Variants in ZNF609 observed in about 807,000 individuals in gnomAD.
ZNF609 encodes the protein zinc finger protein 609.
A neutral mutation model predicts 109.5 loss-of-function variants in ZNF609; 11 were observed. That is an observed-to-expected ratio of 0.10 (90% CI 0.06 to 0.17). The LOEUF (loss-of-function observed/expected upper bound fraction) is 0.17. Among genes scored for constraint, ZNF609 ranks in the 10% least tolerant of loss-of-function variants. ZNF609 has a pLI of 1.00. For synonymous variants in ZNF609, 646 were observed against 662.0 expected, an observed-to-expected ratio of 0.98 and a Z score of 0.37; for missense variants, 1,559 against 1,772.4, an observed-to-expected ratio of 0.88 and a Z score of 2.16.
chr15:64,547,889 G>A (rs959434298), intron 2 of ZNF609, among the ~76,000 whole-genome samples: 3 of 152,100 alleles, frequency 2.0e-5, no homozygotes, highest in African/African-American at 4.8e-5. Context: ...GCAGGAGGAC[G>A]GGGGTGTAGA....
rs1318110390 is a variant in ZNF609 at position 64,685,350 on chromosome 15, AGCTCTCCTGATCTTCCTGGCCCT to A, written c.*3669_*3691del. ...CCTCCCAATTTTCCTGTTCTCCCTC[AGCTCTCCTGATCTTCCTGGCCCT>A]GCTCCATATGCATCCTCAGCTTCAC... On this transcript the variant is annotated 3_prime_UTR_variant, in exon 10 of 10. Coordinates refer to ENST00000326648, the MANE Select transcript of ZNF609 (RefSeq NM_015042.2). 3 of 152,436 alleles carry A rather than the reference AGCTCTCCTGATCTTCCTGGCCCT, an allele frequency of 2.0e-5. No individual in the cohort carries two copies. The highest frequency in any genetic ancestry group is 7.3e-5 in the African/African-American group (3 of 41,332). The allele number at this position is 152,436 out of a possible 1,614,324, so 9.4% of individuals were successfully genotyped here. A position where few individuals can be genotyped will look rare whatever the true frequency, so the allele number is the denominator to read the frequency against.
In ZNF609 at chr15:64,470,848, T is replaced by C. The variant is rs546088657; in HGVS notation, c.-128+10010T>C. Among the ~76,000 whole-genome samples the C allele has an allele frequency of 3.3e-5, 5 of 152,122 alleles. No homozygotes were observed. The East Asian group carries it at 7.8e-4, about 24-fold the overall frequency. On this transcript the variant is annotated intron_variant, in intron 1 of 9. Transcript: ENST00000326648. ...TTCAAGCAGTTTTAAGGAAATAAAATTACACAGCCAAGTTGTTAATTCCCC... is the reference window on the plus strand; with the variant it reads ...TTCAAGCAGTTTTAAGGAAATAAAACTACACAGCCAAGTTGTTAATTCCCC...
chr15:64,464,132 A>C (rs1193235685), intron 1 of ZNF609, among the ~76,000 whole-genome samples: 4 of 152,172 alleles, frequency 2.6e-5, no homozygotes, highest in African/African-American at 9.7e-5. Flanking sequence ...GAGGATATGG[A>C]GGCATAATTT....
intron 2 of ZNF609, among the ~76,000 whole-genome samples, chr15:64,591,482 G>A (rs1895296341): frequency 6.6e-6 from 1 of 151,948 alleles, no homozygotes; most frequent in Non-Finnish European, 1.5e-5. Flanking sequence ...GCGAGACCCT[G>A]TCTCTATAAA....
intron 2 of ZNF609, among the ~76,000 whole-genome samples, chr15:64,513,199 A>T (rs1441088077): frequency 6.6e-6 from 1 of 152,104 alleles, no homozygotes; most frequent in African/African-American, 2.4e-5. Context: ...GAGGAGAAAA[A>T]ATTGGCAAAT....
At chr15:64,633,096 ATTGTT>A (rs1244767036) in intron 3 of ZNF609, among the ~76,000 whole-genome samples, 2 of 149,146 alleles carry the variant, frequency 1.3e-5, no homozygotes, top group African/African-American at 2.5e-5. Flanking sequence ...TAAATAAAGT[ATTGTT>A]TTGTTTTTTT....
In ZNF609 at chr15:64,500,134, T is replaced by C. The variant is rs367960309; in HGVS notation, c.715T>C (p.Cys239Arg). 13 of 1,613,430 alleles carry C rather than the reference T, an allele frequency of 8.1e-6. No individual in the cohort carries two copies. In the African/African-American group the frequency reaches 1.7e-4, roughly 22 times the overall value. The change falls in exon 2 of 10, where the codon TGT (cysteine) becomes CGT (arginine). Residue 239 changes from cysteine to arginine, a missense_variant. Cys to Arg is a radical substitution (Grantham distance 180). Transcript: ENST00000326648. ...KPEPEEGENE[C>R]RLLKKVKSEK... is the part of the protein sequence containing the mutation. ...GGAGCCAGAGGAAGGGGAGAATGAG[T>C]GTCGCCTGCTAAAGAAAGTCAAGTC...
intron 1 of ZNF609, among the ~76,000 whole-genome samples, chr15:64,466,363 A>G (rs899593175): frequency 6.6e-6 from 1 of 152,202 alleles, no homozygotes; most frequent in Non-Finnish European, 1.5e-5. Flanking sequence ...TTTCTATATT[A>G]GGCCAACAGG....
At chr15:64,649,218 T>G (rs1049581534) in intron 3 of ZNF609, among the ~76,000 whole-genome samples, 5 of 152,198 alleles carry the variant, frequency 3.3e-5, no homozygotes, top group African/African-American at 9.7e-5. Context: ...GTCATATTGG[T>G]GGTTTTTTAA....
chr15:64,529,723 G>C (rs114454635), intron 2 of ZNF609: 7 of 640,288 alleles, frequency 1.1e-5, no homozygotes, highest in African/African-American at 1.8e-5. Flanking sequence ...GCTGTCTGTC[G>C]AACAGGAGGA....
At chr15:64,565,232 G>GTATTATTATTATTAT (rs60734525) in intron 2 of ZNF609, among the ~76,000 whole-genome samples, 91,312 of 138,508 alleles carry the variant, frequency 0.66, 31,629 homozygotes, top group East Asian at 0.92. Flanking sequence ...GCTAATTTTT[G>GTATTATTATTATTAT]TATTATTATT....
Position 64,577,230 on chromosome 15 carries a change from A to AATAC in ZNF609, c.748-45589_748-45586dup, listed in dbSNP as rs201054451. Among the ~76,000 whole-genome samples, 4 of 14,674 alleles carry AATAC rather than the reference A, an allele frequency of 2.7e-4. 1 individual carries two copies. The highest frequency in any genetic ancestry group is 3.2e-4 in the African/African-American group (4 of 12,308). 9.6% of individuals were successfully genotyped at this position (14,674 alleles called of 152,430 possible). A position where few individuals can be genotyped will look rare whatever the true frequency, so the allele number is the denominator to read the frequency against. ...ATATATATGTATATATATACACACA[A>AATAC]ATACATACATATATATGTATATATA... On this transcript the variant is annotated intron_variant, in intron 2 of 9. Transcript: ENST00000326648.
chr15:64,515,471 G>A (rs1289040414), intron 2 of ZNF609, among the ~76,000 whole-genome samples: 3 of 152,164 alleles, frequency 2.0e-5, no homozygotes, highest in Admixed American at 2.0e-4. Context: ...TTTGGCCAGG[G>A]CAAAGCTCCC....
chr15:64,659,813 C>T (rs990738117), intron 3 of ZNF609, among the ~76,000 whole-genome samples: 21 of 151,024 alleles, frequency 1.4e-4, no homozygotes, highest in African/African-American at 3.7e-4. Context: ...TTTTTTGGAA[C>T]GCAAAATATT....
rs1002043999 is a variant in ZNF609, at chr15:64,682,947, C to T, written c.*1261C>T. 6.6e-6 allele frequency: 1 copy of T among 152,640 alleles called. No homozygotes were observed. Among genetic ancestry groups the T allele is most frequent in the Non-Finnish European group, 1.5e-5 (1 of 68,044 alleles). The allele number at this position is 152,640 out of a possible 1,614,324, so 9.5% of individuals were successfully genotyped here. The stretch of plus-strand genomic sequence containing the variant: ...TTGTTCCTTAGACCCTGGAATAACA[C>T]ATCCAAGCCATTACTTATTAGAGTC... On this transcript the variant is annotated 3_prime_UTR_variant, in exon 10 of 10. Coordinates refer to ENST00000326648, the MANE Select transcript of ZNF609 (RefSeq NM_015042.2).
intron 2 of ZNF609, among the ~76,000 whole-genome samples, chr15:64,576,949 C>CATATCTGTATATATACACATAAATAT (rs1894968608): frequency 1.9e-5 from 1 of 52,190 alleles, no homozygotes; most frequent in South Asian, 4.7e-4. Flanking sequence ...TAAATATATA[C>CATATCTGTATATATACACATAAATAT]ATATATGTAT....
chr15:64,557,851 C>T (rs905525613), intron 2 of ZNF609, among the ~76,000 whole-genome samples: 3 of 152,076 alleles, frequency 2.0e-5, no homozygotes, highest in African/African-American at 4.8e-5. Flanking sequence ...CGCCCACCAC[C>T]GCACCTGGCT....
At chr15:64,526,749 T>C (rs545353814) in intron 2 of ZNF609, among the ~76,000 whole-genome samples, 52 of 152,296 alleles carry the variant, frequency 3.4e-4, no homozygotes, top group African/African-American at 1.3e-3. Context: ...GCAATCCTCC[T>C]GCCTCAGCCT....
At chr15:64,475,547 C>T (rs1339593996) in intron 1 of ZNF609, among the ~76,000 whole-genome samples, 1 of 151,950 alleles carries the variant, frequency 6.6e-6, no homozygotes, top group Non-Finnish European at 1.5e-5. Context: ...CGCCACCGCG[C>T]CTGGCTAATT....
Sources: allele counts gnomAD v4.1 joint callset (sites outside exome capture counted in the v4.1 genomes callset), GRCh38; gene constraint gnomAD v4.1.1; transcripts MANE v1.5; gene names NCBI Gene and HGNC (gene_info 2026-07-23, HGNC 2026-07-21).